Variants in DCDC2 observed in about 807,000 individuals in gnomAD.
DCDC2 encodes doublecortin domain-containing protein 2.
Under a neutral mutation model 50.2 loss-of-function variants are expected in DCDC2, and 40 were observed. The observed-to-expected ratio is 0.80, with a 90% confidence interval of 0.62 to 1.04. DCDC2 has a LOEUF of 1.04. DCDC2 is among the 50% of genes least tolerant of loss of function. The pLI is 0.00. For synonymous variants in DCDC2, 234 were observed against 210.6 expected (o/e 1.11, Z -0.96); for missense variants, 570 against 581.9 (o/e 0.98, Z 0.21).
At chr6:24,313,642 G>A (rs1006678403) in intron 2 of DCDC2, among the ~76,000 whole-genome samples, 2 of 152,212 alleles carry the variant, frequency 1.3e-5, no homozygotes, top group Admixed American at 6.5e-5. Context: ...GTGTGGGCGG[G>A]TGCAGCTTCC....
chr6:24,297,050 A>C (rs569526994), intron 4 of DCDC2, among the ~76,000 whole-genome samples: 58 of 152,352 alleles, frequency 3.8e-4, no homozygotes, highest in African/African-American at 1.3e-3. Flanking sequence ...TAGCAAAGAA[A>C]AGGAATTAAA....
chr6:24,381,054 C>T, the DCDC2 span, among the ~76,000 whole-genome samples: 9 of 151,020 alleles, frequency 6.0e-5, 1 homozygote, highest in African/African-American at 2.2e-4. Flanking sequence ...TGCACTGCAG[C>T]CTGGGTGACA....
chr6:24,335,776 G>A (rs1487740415), intron 2 of DCDC2, among the ~76,000 whole-genome samples: 1 of 152,150 alleles, frequency 6.6e-6, no homozygotes, highest in Admixed American at 6.5e-5. Context: ...GCAAGAGCAA[G>A]GAAAACTGCC....
chr6:24,238,031 AC>A (rs1762484859), intron 7 of DCDC2, among the ~76,000 whole-genome samples: 1 of 141,850 alleles, frequency 7.0e-6, no homozygotes, highest in Admixed American at 7.3e-5. Flanking sequence ...AACACAATAT[AC>A]CCCTGTAATA....
rs544619727 is a variant in DCDC2 at position 24,182,837 on chromosome 6, G to C, written c.1024-4205C>G. On this transcript the variant is annotated intron_variant, in intron 8 of 9. Transcript: ENST00000378454. ...AAAGAACTGAAAGCAAGGACTTGAAGAGATATTTGTACACCCAAGTTTATA... is the reference window on the plus strand; with the variant it reads ...AAAGAACTGAAAGCAAGGACTTGAACAGATATTTGTACACCCAAGTTTATA... 3.3e-5 allele frequency among the ~76,000 whole-genome samples: 5 copies of C among 152,084 alleles called. No individual in the cohort carries two copies. The East Asian group carries it at 9.7e-4, about 29-fold the overall frequency.
At chr6:24,218,406 T>C (rs1008359245) in intron 7 of DCDC2, among the ~76,000 whole-genome samples, 1 of 152,246 alleles carries the variant, frequency 6.6e-6, no homozygotes, top group African/African-American at 2.4e-5. Context: ...ATGTCATGAC[T>C]TGTAGATTTG....
At chr6:24,304,868 C>T (rs1399219139) in intron 2 of DCDC2, among the ~76,000 whole-genome samples, 2 of 152,024 alleles carry the variant, frequency 1.3e-5, no homozygotes, top group African/African-American at 2.4e-5. Context: ...TACAGTGGTG[C>T]GATCACAGCT....
intron 2 of DCDC2, among the ~76,000 whole-genome samples, chr6:24,344,883 T>G (rs1209356166): frequency 6.6e-6 from 1 of 152,140 alleles, no homozygotes; most frequent in African/African-American, 2.4e-5. Flanking sequence ...AAAGAATGCT[T>G]CTTAAGTAGC....
chr6:24,328,219 T>C (rs1245390115), intron 2 of DCDC2, among the ~76,000 whole-genome samples: 1 of 152,250 alleles, frequency 6.6e-6, no homozygotes, highest in African/African-American at 2.4e-5. Flanking sequence ...CTAAATCCCC[T>C]GCCTACTGGC....
chr6:24,243,242 G>A (rs1762602058), intron 7 of DCDC2, among the ~76,000 whole-genome samples: 1 of 152,216 alleles, frequency 6.6e-6, no homozygotes, highest in Admixed American at 6.5e-5. Flanking sequence ...CATGTTGTCT[G>A]GAAAAGGCAA....
At chr6:24,256,464 T>A (rs1762900050) in intron 7 of DCDC2, among the ~76,000 whole-genome samples, 1 of 152,130 alleles carries the variant, frequency 6.6e-6, no homozygotes, top group South Asian at 2.1e-4. Flanking sequence ...GTAGTCAAGT[T>A]AAAAAGCTTA....
At chr6:24,373,832 C>T in the DCDC2 span, among the ~76,000 whole-genome samples, 4 of 151,986 alleles carry the variant, frequency 2.6e-5, no homozygotes. Flanking sequence ...AGCTAATTCT[C>T]ATTTAGAAGG....
At chr6:24,281,045 G>A (rs560848880) in intron 6 of DCDC2, among the ~76,000 whole-genome samples, 5 of 152,212 alleles carry the variant, frequency 3.3e-5, no homozygotes, top group South Asian at 2.1e-4. Context: ...CAAGGGAGAC[G>A]CAGAAGCCCC....
intron 5 of DCDC2, among the ~76,000 whole-genome samples, chr6:24,289,712 C>G (rs555441509): frequency 6.6e-6 from 1 of 152,258 alleles, no homozygotes; most frequent in South Asian, 2.1e-4. Context: ...TTGCATAGTT[C>G]AAACACCACC....
At chr6:24,327,280 A>G (rs1759887176) in intron 2 of DCDC2, among the ~76,000 whole-genome samples, 2 of 149,122 alleles carry the variant, frequency 1.3e-5, no homozygotes, top group African/African-American at 2.4e-5. Context: ...TCCCTTACAT[A>G]AGCATTTTGT....
At chr6:24,185,466 C>T (rs944642646) in intron 8 of DCDC2, among the ~76,000 whole-genome samples, 1 of 152,016 alleles carries the variant, frequency 6.6e-6, no homozygotes. Flanking sequence ...TTAAAATATC[C>T]TGAGTCTGGA....
Position 24,284,426 on chromosome 6 carries a change from T to C in DCDC2, c.759+4426A>G, listed in dbSNP as rs543466940. 4.0e-5 allele frequency among the ~76,000 whole-genome samples: 6 copies of C among 151,018 alleles called. 1 individual carries two copies. Among genetic ancestry groups the C allele is most frequent in the African/African-American group, 1.5e-4 (6 of 41,032 alleles). ...TTCAAGACCAGCCTTGCCAAGATGGTGAAACCCCGTCTCTACTAAAAAAAA... is the reference window on the plus strand; with the variant it reads ...TTCAAGACCAGCCTTGCCAAGATGGCGAAACCCCGTCTCTACTAAAAAAAA... On this transcript the variant is annotated intron_variant, in intron 6 of 9. Coordinates refer to ENST00000378454, the MANE Select transcript of DCDC2 (RefSeq NM_016356.5).
At chr6:24,243,385 A>G (rs1393409290) in intron 7 of DCDC2, among the ~76,000 whole-genome samples, 1 of 152,194 alleles carries the variant, frequency 6.6e-6, no homozygotes, top group Non-Finnish European at 1.5e-5. Flanking sequence ...AGGCTCTGCC[A>G]CCTGCTAGCC....
At chr6:24,211,231 T>C (rs1761861729) in intron 7 of DCDC2, among the ~76,000 whole-genome samples, 1 of 152,226 alleles carries the variant, frequency 6.6e-6, no homozygotes, top group Non-Finnish European at 1.5e-5. Flanking sequence ...ACTAGCCCAG[T>C]GCATTAATTC....
Sources: allele counts gnomAD v4.1 joint callset (sites outside exome capture counted in the v4.1 genomes callset), GRCh38; gene constraint gnomAD v4.1.1; transcripts MANE v1.5; gene names NCBI Gene and HGNC (gene_info 2026-07-23, HGNC 2026-07-21).